Variants in PPP2R2B observed in about 807,000 individuals in gnomAD.
The protein encoded by PPP2R2B is serine/threonine-protein phosphatase 2A 55 kDa regulatory subunit B beta isoform.
A neutral mutation model predicts 46.0 loss-of-function variants in PPP2R2B; 5 were observed. That is an observed-to-expected ratio of 0.11 (90% confidence interval 0.06 to 0.23). The LOEUF (loss-of-function observed/expected upper bound fraction) is 0.23, where lower values mean the gene tolerates loss of function less well. Among genes scored for constraint, PPP2R2B ranks in the 10% least tolerant of loss-of-function variants. The pLI is 1.00. For synonymous variants in PPP2R2B, 215 were observed against 206.7 expected, an observed-to-expected ratio of 1.04 and a Z score of -0.34; for missense variants, 367 against 575.0, an observed-to-expected ratio of 0.64 and a Z score of 3.70.
intron 2 of PPP2R2B, among the ~76,000 whole-genome samples, chr5:146,832,377 ATCTT>A (rs1758999602): frequency 2.9e-5 from 3 of 104,298 alleles, no homozygotes; most frequent in East Asian, 3.2e-4. Flanking sequence ...GCCATTTTTA[ATCTT>A]TTTTTTTTTT....
chr5:146,698,202 T>A (rs1779295582), intron 3 of PPP2R2B, 58 bp from the exon 4 acceptor site: 6 of 1,421,326 alleles, frequency 4.2e-6, no homozygotes, highest in African/African-American at 1.5e-5. Context: ...ACTGTAAAAC[T>A]CGCCAACTCC....
intron 2 of PPP2R2B, among the ~76,000 whole-genome samples, chr5:146,801,532 T>G (rs1050371417): frequency 6.6e-6 from 1 of 152,134 alleles, no homozygotes; most frequent in African/African-American, 2.4e-5. Context: ...GCACAGAAGA[T>G]GCCCTTGGAT....
chr5:146,986,106 G>A (rs1753417877), intron 1 of PPP2R2B, among the ~76,000 whole-genome samples: 1 of 152,136 alleles, frequency 6.6e-6, no homozygotes, highest in African/African-American at 2.4e-5. Flanking sequence ...ATAATAACAA[G>A]AAGAGGCACA....
Position 146,600,387 on chromosome 5 carries a change from C to T in PPP2R2B, c.864G>A (p.Lys288=), listed in dbSNP as rs1771664185. 2 of 1,613,880 alleles carry T rather than the reference C, an allele frequency of 1.2e-6. No individual in the cohort carries two copies. Among genetic ancestry groups the T allele is most frequent in the African/African-American group, 2.7e-5 (2 of 74,886 alleles). Residue 288 remains lysine (K), a synonymous_variant, in exon 8 of 10, where the codon AAG becomes AAA. Coordinates refer to ENST00000394411, the MANE Select transcript of PPP2R2B (RefSeq NM_181675.4). ...TGATATACCTCCCACTGTGGCTGAA[C>T]TTCACATCCGAAATCGAAGAGATAA... The part of the protein sequence containing the change: ...SEIISSISDV[K]FSHSGRYIMT...
intron 3 of PPP2R2B, among the ~76,000 whole-genome samples, chr5:146,699,592 T>C (rs1340935765): frequency 2.6e-5 from 4 of 151,510 alleles, no homozygotes; most frequent in Non-Finnish European, 5.9e-5. Flanking sequence ...ACTGGCAACA[T>C]GCTGCCTTGG....
chr5:147,003,995 C>T (rs1041928084), intron 1 of PPP2R2B, among the ~76,000 whole-genome samples: 1 of 152,064 alleles, frequency 6.6e-6, no homozygotes, highest in African/African-American at 2.4e-5. Context: ...AATCTGGAGG[C>T]ATTCTTAAAC....
At chr5:147,033,829 C>A (rs1264722145) in intron 1 of PPP2R2B, among the ~76,000 whole-genome samples, 5 of 152,014 alleles carry the variant, frequency 3.3e-5, no homozygotes, top group Admixed American at 6.6e-5. Flanking sequence ...TTAATCCAAG[C>A]CTCTGTCCTT....
At chr5:146,824,559 T>C (rs1344843282) in intron 2 of PPP2R2B, among the ~76,000 whole-genome samples, 5 of 151,962 alleles carry the variant, frequency 3.3e-5, no homozygotes, top group African/African-American at 7.3e-5. Flanking sequence ...GGGGAAAGCA[T>C]TGGGTAAGAG....
At chr5:147,051,831 C>A (rs552650029) in intron 1 of PPP2R2B, among the ~76,000 whole-genome samples, 1 of 123,668 alleles carries the variant, frequency 8.1e-6, no homozygotes, top group Non-Finnish European at 1.6e-5. Context: ...AGTGTGATCT[C>A]GGCTCACTGC....
At chr5:147,046,661 T>G (rs554066247) in intron 1 of PPP2R2B, among the ~76,000 whole-genome samples, 1 of 152,144 alleles carries the variant, frequency 6.6e-6, no homozygotes, top group South Asian at 2.1e-4. Flanking sequence ...GTCAAGGTGA[T>G]GTAGGTTGAA....
At chr5:146,925,623 T>G (rs1398374423) in intron 1 of PPP2R2B, among the ~76,000 whole-genome samples, 1 of 152,112 alleles carries the variant, frequency 6.6e-6, no homozygotes, top group African/African-American at 2.4e-5. Context: ...TGTGGATCTA[T>G]TTGTATTTAT....
rs1295626990 is a variant in PPP2R2B at position 146,892,556 on chromosome 5, C to T, written c.79+163109G>A. Among the ~76,000 whole-genome samples, 4 of 152,266 alleles carry T rather than the reference C, an allele frequency of 2.6e-5. No individual in the cohort carries two copies. In the East Asian group the frequency reaches 7.7e-4, roughly 29 times the overall value. On this transcript the variant is annotated intron_variant, in intron 1 of 8. Coordinates refer to the PPP2R2B transcript ENST00000336640. ...ATCTCATGTAACTTCTTAAGATCAT[C>T]AGGCCTTCAGTCTTTACCCCTTCCA...
At chr5:146,991,247 G>A (rs757220655) in intron 1 of PPP2R2B, among the ~76,000 whole-genome samples, 1 of 152,136 alleles carries the variant, frequency 6.6e-6, no homozygotes, top group Non-Finnish European at 1.5e-5. Flanking sequence ...AATGAAATCA[G>A]TATGTTGAAG....
intron 1 of PPP2R2B, among the ~76,000 whole-genome samples, chr5:146,888,477 T>C (rs555566616): frequency 6.6e-6 from 1 of 152,276 alleles, no homozygotes; most frequent in South Asian, 2.1e-4. Context: ...ATTATATCAA[T>C]AGATTCGAAC....
rs1267510018 is a variant in PPP2R2B at position 146,691,340 on chromosome 5, T to C, written c.335-100A>G. On this transcript the variant is annotated intron_variant, in intron 4 of 9. Transcript: ENST00000394411. ...GGGGAGAGGAAGAGGTAAGGATGGATAGAATTGCTACAGAAGCTGGCTCAC... is the reference window on the plus strand; with the variant it reads ...GGGGAGAGGAAGAGGTAAGGATGGACAGAATTGCTACAGAAGCTGGCTCAC... 11 of 871,166 alleles carry C rather than the reference T, an allele frequency of 1.3e-5. No homozygotes were observed. In the East Asian group the frequency reaches 2.2e-4, roughly 18 times the overall value. 54.0% of individuals were successfully genotyped at this position (871,166 alleles called of 1,614,324 possible).
At chr5:146,843,229 A>G (rs566606407) in intron 2 of PPP2R2B, among the ~76,000 whole-genome samples, 1 of 152,344 alleles carries the variant, frequency 6.6e-6, no homozygotes, top group South Asian at 2.1e-4. Context: ...ATCAGTGAAT[A>G]ATGATCAATT....
At chr5:146,729,392 G>A (rs1486706535) in intron 2 of PPP2R2B, among the ~76,000 whole-genome samples, 1 of 152,194 alleles carries the variant, frequency 6.6e-6, no homozygotes, top group Non-Finnish European at 1.5e-5. Context: ...CAGAAAATTT[G>A]CAGCCTGAAT....
chr5:147,047,713 A>ATGTTT (rs1756608108), intron 1 of PPP2R2B, among the ~76,000 whole-genome samples: 3 of 152,150 alleles, frequency 2.0e-5, no homozygotes, highest in Non-Finnish European at 4.4e-5. Flanking sequence ...GTTTTAGCCA[A>ATGTTT]TACCTGAATA....
intron 1 of PPP2R2B, among the ~76,000 whole-genome samples, chr5:146,947,954 T>C (rs962915765): frequency 1.3e-5 from 2 of 151,772 alleles, no homozygotes; most frequent in Non-Finnish European, 2.9e-5. Flanking sequence ...GGATTCCTAA[T>C]GAAGTGGTAG....
Sources: allele counts gnomAD v4.1 joint callset (sites outside exome capture counted in the v4.1 genomes callset), GRCh38; gene constraint gnomAD v4.1.1; transcripts MANE v1.5; gene names NCBI Gene and HGNC (gene_info 2026-07-23, HGNC 2026-07-21).